VPS13B: variants seen among roughly 807,000 people sequenced by gnomAD.
VPS13B encodes intermembrane lipid transfer protein VPS13B.
Under a neutral mutation model 426.4 loss-of-function variants are expected in VPS13B, and 285 were observed. The observed-to-expected ratio is 0.67, with a 90% confidence interval of 0.61 to 0.74. The LOEUF is 0.74. Among genes scored for constraint, VPS13B ranks in the 30% least tolerant of loss-of-function variants. The pLI is 0.00. For missense variants in VPS13B, 4,537 were observed against 4,782.6 expected (o/e 0.95, Z 1.51); for synonymous variants, 1,676 against 1,676.4 (o/e 1.00, Z 0.01).
Position 99,696,682 on chromosome 8 carries a change from AC to A in VPS13B, c.6047-2842del. ...ACCATCGAGGAGAGGACCTTGAAGA[AC>A]ATAGCAGCCAAGGGCAGTGCCACCA... On this transcript the variant is annotated intron_variant, in intron 35 of 61. Transcript: ENST00000357162. 3.9e-6 allele frequency: 3 copies of A among 768,590 alleles called. No individual in the cohort carries two copies. The South Asian group carries it at 4.0e-5, about 10-fold the overall frequency. The allele number at this position is 768,590 out of a possible 1,614,324, so 47.6% of individuals were successfully genotyped here.
intron 59 of VPS13B, 84 bp from the exon 60 acceptor site, chr8:99,870,701 G>C: frequency 8.1e-7 from 1 of 1,240,412 alleles, no homozygotes; most frequent in Non-Finnish European, 1.2e-6. Flanking sequence ...TTTTATGGAT[G>C]GCTCTGAACA....
chr8:99,317,944 A>G (rs1256230125), intron 19 of VPS13B, among the ~76,000 whole-genome samples: 5 of 152,164 alleles, frequency 3.3e-5, no homozygotes, highest in Non-Finnish European at 7.4e-5. Context: ...ATATGTATAT[A>G]TATGTGTCTG....
chr8:99,386,746 G>T (rs745847234), intron 20 of VPS13B, among the ~76,000 whole-genome samples: 22 of 152,122 alleles, frequency 1.4e-4, no homozygotes, highest in Non-Finnish European at 3.1e-4. Flanking sequence ...CAAGGTGGGA[G>T]AATTGCTTGA....
At chr8:99,680,577 T>G (rs971099678) in intron 35 of VPS13B, among the ~76,000 whole-genome samples, 105 of 152,324 alleles carry the variant, frequency 6.9e-4, no homozygotes, top group African/African-American at 2.4e-3. Context: ...AGGCATGGGT[T>G]TACTTAAAGA....
In VPS13B at chr8:99,859,444, A is replaced by C. The variant is rs2130933833; in HGVS notation, c.11008A>C (p.Arg3670=). Residue 3670 remains arginine, a synonymous_variant, in exon 57 of 62, where the codon AGA becomes CGA. Coordinates refer to ENST00000357162, the MANE Select transcript of VPS13B (RefSeq NM_152564.5). ...GPGAFVSGVS[R]GTTSFVKHIS... ...TGGAGCCTTCGTGAGTGGCGTCTCC[A>C]GAGGGACCACATCGTTTGTAAAGCA... The C allele has an allele frequency of 6.2e-7, 1 of 1,613,984 alleles. No individual in the cohort carries two copies. The highest frequency in any genetic ancestry group is 1.1e-5 in the South Asian group (1 of 91,078).
At chr8:99,837,782 A>C (rs7844422) in intron 54 of VPS13B, among the ~76,000 whole-genome samples, 1 of 151,938 alleles carries the variant, frequency 6.6e-6, no homozygotes. Flanking sequence ...GGGAAGCAAA[A>C]GGAGCTGTGT....
At chr8:99,369,352 A>G (rs1407097137) in intron 19 of VPS13B, among the ~76,000 whole-genome samples, 2 of 152,262 alleles carry the variant, frequency 1.3e-5, no homozygotes, top group Admixed American at 6.5e-5. Flanking sequence ...ATAGATTTAA[A>G]TAGGCAAGTA....
intron 17 of VPS13B, among the ~76,000 whole-genome samples, chr8:99,261,876 A>C (rs1372847833): frequency 2.6e-5 from 4 of 152,230 alleles, no homozygotes; most frequent in Non-Finnish European, 5.9e-5. Context: ...CATATTAAGA[A>C]TTATGTCATA....
intron 3 of VPS13B, among the ~76,000 whole-genome samples, chr8:99,088,924 G>T (rs911241996): frequency 2.0e-5 from 3 of 152,086 alleles, no homozygotes; most frequent in Non-Finnish European, 4.4e-5. Flanking sequence ...TGCAGGTACA[G>T]TCTTTTCAAA....
intron 13 of VPS13B, 127 bp from the exon 14 acceptor site, chr8:99,147,714 C>A (rs979945648): frequency 2.1e-6 from 1 of 478,012 alleles, no homozygotes; most frequent in Non-Finnish European, 3.2e-6. Flanking sequence ...TTATTTTATA[C>A]CTGCTTCATT....
chr8:99,286,541 T>G (rs1819452826), intron 19 of VPS13B, among the ~76,000 whole-genome samples: 1 of 152,172 alleles, frequency 6.6e-6, no homozygotes, highest in Non-Finnish European at 1.5e-5. Flanking sequence ...CAATTGAACT[T>G]CTACCTGACA....
intron 3 of VPS13B, among the ~76,000 whole-genome samples, chr8:99,073,622 G>T (rs4581019): frequency 6.7e-6 from 1 of 148,892 alleles, no homozygotes. Flanking sequence ...GGCAGTCTAG[G>T]TTTTTCTGTA....
chr8:99,201,012 A>G (rs900864692), intron 17 of VPS13B, among the ~76,000 whole-genome samples: 8 of 151,494 alleles, frequency 5.3e-5, no homozygotes, highest in Non-Finnish European at 1.0e-4. Context: ...CATTTTTTTT[A>G]ATATCACAGA....
intron 17 of VPS13B, among the ~76,000 whole-genome samples, chr8:99,227,515 T>C (rs985470161): frequency 6.6e-6 from 1 of 152,194 alleles, no homozygotes; most frequent in African/African-American, 2.4e-5. Context: ...TTTGCTTTTA[T>C]CTTTTAGATT....
At chr8:99,562,684 A>C (rs1373239379) in intron 31 of VPS13B, among the ~76,000 whole-genome samples, 1 of 152,154 alleles carries the variant, frequency 6.6e-6, no homozygotes, top group African/African-American at 2.4e-5. Context: ...ATGATTTAGA[A>C]ATTTTTTTAT....
chr8:99,870,683 C>A, intron 59 of VPS13B, 102 bp from the exon 60 acceptor site: 1 of 1,038,768 alleles, frequency 9.6e-7, no homozygotes, highest in Non-Finnish European at 1.5e-6. Context: ...CATTTTGGAT[C>A]TGTAACATTT....
At chr8:99,226,864 G>C (rs1042922719) in intron 17 of VPS13B, among the ~76,000 whole-genome samples, 3 of 152,156 alleles carry the variant, frequency 2.0e-5, no homozygotes, top group African/African-American at 7.2e-5. Flanking sequence ...ATAACCTTGA[G>C]TATTTATCAT....
At chr8:99,118,443 T>G (rs2132506893) in intron 7 of VPS13B, among the ~76,000 whole-genome samples, 1 of 152,254 alleles carries the variant, frequency 6.6e-6, no homozygotes, top group East Asian at 1.9e-4. Flanking sequence ...ATTCAATGAG[T>G]TTGAGAAATA....
In VPS13B at chr8:99,094,743, C is replaced by T. The variant is rs1330510423; in HGVS notation, c.292-1569C>T. On this transcript the variant is annotated intron_variant, in intron 3 of 61. Coordinates refer to ENST00000357162, the MANE Select transcript of VPS13B (RefSeq NM_152564.5). ...TCTAGTACCCTGTTAGTTTGGTAAA[C>T]TAGTGATGATTATTCTTTTATATGC... Among the ~76,000 whole-genome samples the T allele has an allele frequency of 3.9e-5, 6 of 152,104 alleles. No individual in the cohort carries two copies. In the East Asian group the frequency reaches 1.2e-3, roughly 29 times the overall value.
Sources: gnomAD v4.1 joint callset for allele counts (sites outside exome capture counted in the v4.1 genomes callset) on GRCh38, gnomAD v4.1.1 for gene constraint, MANE v1.5 for transcripts, NCBI Gene and HGNC (gene_info 2026-07-23, HGNC 2026-07-21) for gene names.